Variants in EIF4EBP1 observed in about 807,000 individuals in gnomAD.
EIF4EBP1 encodes the protein eukaryotic translation initiation factor 4E binding protein 1, also known as eukaryotic translation initiation factor 4E-binding protein 1.
Under a neutral mutation model 9.2 loss-of-function variants are expected in EIF4EBP1, and 5 were observed. The ratio of observed to expected loss-of-function variants is 0.54; its 90% CI spans 0.28 to 1.14. The LOEUF is 1.14. Ranked by LOEUF, EIF4EBP1 falls within the 50% of genes most tolerant of loss-of-function variation. EIF4EBP1 has a pLI of 0.09. For synonymous variants in EIF4EBP1, 62 were observed against 67.0 expected (o/e 0.93, Z 0.36); for missense variants, 139 against 169.6 (o/e 0.82, Z 1.00).
At chr8:38,053,831 A>G (rs185883316) in intron 1 of EIF4EBP1, among the ~76,000 whole-genome samples, 1 of 152,198 alleles carries the variant, frequency 6.6e-6, no homozygotes, top group South Asian at 2.1e-4. Flanking sequence ...ATTTCACTAT[A>G]TAAGATACCT....
At position 38,030,621 on chromosome 8, in the gene EIF4EBP1, C is replaced by G. The variant is rs1355381043; in HGVS notation, c.48C>G (p.Pro16=). 2 of 1,514,330 alleles carry G rather than the reference C, an allele frequency of 1.3e-6. No homozygotes were observed. Among genetic ancestry groups the G allele is most frequent in the Middle Eastern group, 2.1e-4 (1 of 4,866 alleles). 93.8% of individuals were successfully genotyped at this position (1,514,330 alleles called of 1,614,324 possible). ...SCSQTPSRAI[P]ATRRVVLGDG... is the part of the protein sequence containing the mutation. Reference sequence around the variant, plus strand: ...GCCAGACCCCAAGCCGGGCCATCCCCGCCACTCGCCGGGTGGTGCTCGGCG... The same window carrying G: ...GCCAGACCCCAAGCCGGGCCATCCCGGCCACTCGCCGGGTGGTGCTCGGCG... The change falls in exon 1 of 3, where the codon CCC becomes CCG. Residue 16 remains proline (P), a synonymous_variant. Coordinates refer to ENST00000338825, the MANE Select transcript of EIF4EBP1 (RefSeq NM_004095.4).
At chr8:38,050,619 T>C (rs187101769) in intron 1 of EIF4EBP1, among the ~76,000 whole-genome samples, 1 of 152,260 alleles carries the variant, frequency 6.6e-6, no homozygotes, top group East Asian at 1.9e-4. Flanking sequence ...TCTTTCTTTC[T>C]TTCTTTTTTG....
In EIF4EBP1 at chr8:38,030,712, C is replaced by G; in HGVS notation, c.139C>G (p.Pro47Ala). The change falls in exon 1 of 3, where the codon CCG (proline) becomes GCG (alanine). Residue 47 changes from proline (P) to alanine (A), a missense_variant. Pro to Ala is a conservative substitution (Grantham distance 27). Transcript: ENST00000338825. ...CGGCGGCACGCTCTTCAGCACCACC[C>G]CGGGAGGTAGGCGCGGGCTTGGCGA... ...TPGGTLFSTT[P>A]GGTRIIYDRK... 7.1e-7 allele frequency: 1 copy of G among 1,402,694 alleles called. No homozygotes were observed. The allele number at this position is 1,402,694 out of a possible 1,614,324, so 86.9% of individuals were successfully genotyped here.
intron 1 of EIF4EBP1, among the ~76,000 whole-genome samples, chr8:38,037,897 T>C (rs114922203): frequency 0.018 from 2,703 of 151,352 alleles, 78 homozygotes; most frequent in African/African-American, 0.062. Context: ...CCTCAGCCTC[T>C]CCAGTAGCTG....
intron 1 of EIF4EBP1, among the ~76,000 whole-genome samples, chr8:38,043,533 G>A (rs1809411602): frequency 2.0e-5 from 3 of 151,814 alleles, no homozygotes; most frequent in African/African-American, 4.8e-5. Flanking sequence ...TTTTAGTAGA[G>A]ACAGAGTTTC....
chr8:38,055,627 A>G (rs1809584368), intron 1 of EIF4EBP1, among the ~76,000 whole-genome samples: 1 of 151,512 alleles, frequency 6.6e-6, no homozygotes, highest in African/African-American at 2.4e-5. Flanking sequence ...ATATTATTGT[A>G]TATTAAAAGG....
chr8:38,035,310 T>G (rs1035937034), intron 1 of EIF4EBP1, among the ~76,000 whole-genome samples: 1 of 151,898 alleles, frequency 6.6e-6, no homozygotes. Flanking sequence ...CTACGCCTCC[T>G]GGGTTCAAGT....
At chr8:38,040,979 T>C (rs1809370577) in intron 1 of EIF4EBP1, among the ~76,000 whole-genome samples, 2 of 152,282 alleles carry the variant, frequency 1.3e-5, no homozygotes, top group Middle Eastern at 6.8e-3. Context: ...TTTGTATTTT[T>C]AGTAGAGACA....
intron 1 of EIF4EBP1, among the ~76,000 whole-genome samples, chr8:38,032,950 C>T (rs1809244359): frequency 6.6e-6 from 1 of 152,064 alleles, no homozygotes; most frequent in Non-Finnish European, 1.5e-5. Context: ...AGAATACTGC[C>T]TCTCAGTCTT....
At chr8:38,057,790 G>A (rs370139496) in intron 2 of EIF4EBP1, among the ~76,000 whole-genome samples, 5 of 152,248 alleles carry the variant, frequency 3.3e-5, no homozygotes, top group South Asian at 2.1e-4. Context: ...TGTCTCTGCC[G>A]ATTTGACATT....
intron 1 of EIF4EBP1, among the ~76,000 whole-genome samples, chr8:38,039,931 T>C (rs1484206324): frequency 2.6e-5 from 4 of 152,172 alleles, no homozygotes; most frequent in Non-Finnish European, 4.4e-5. Flanking sequence ...GGAGTGTCTA[T>C]GGGCTGAAGT....
chr8:38,060,230 C>T lies in EIF4EBP1; in HGVS notation c.*295C>T, dbSNP rs1475089940. The T allele has an allele frequency of 8.2e-6, 4 of 484,912 alleles. No homozygotes were observed. Among genetic ancestry groups the T allele is most frequent in the Non-Finnish European group, 1.5e-5 (4 of 268,690 alleles). 30.0% of individuals were successfully genotyped at this position (484,912 alleles called of 1,614,324 possible). ...GTGGACAAGAACGAACCCTTCCTTCCGAATGATCAGCAGTTCCAGCCCCTC... is the reference window on the plus strand; with the variant it reads ...GTGGACAAGAACGAACCCTTCCTTCTGAATGATCAGCAGTTCCAGCCCCTC... On this transcript the variant is annotated 3_prime_UTR_variant, in exon 3 of 3. Coordinates refer to ENST00000338825, the MANE Select transcript of EIF4EBP1 (RefSeq NM_004095.4).
chr8:38,036,232 G>T (rs1809300589), intron 1 of EIF4EBP1, among the ~76,000 whole-genome samples: 1 of 152,052 alleles, frequency 6.6e-6, no homozygotes, highest in Admixed American at 6.6e-5. Flanking sequence ...TGAAAGGAGA[G>T]GCCAGGTGCG....
chr8:38,036,249 C>T (rs1269035805), intron 1 of EIF4EBP1, among the ~76,000 whole-genome samples: 1 of 152,064 alleles, frequency 6.6e-6, no homozygotes, highest in African/African-American at 2.4e-5. Flanking sequence ...TGCGATGGCT[C>T]ACACCTGTAA....
At chr8:38,042,292 C>T (rs576967188) in intron 1 of EIF4EBP1, among the ~76,000 whole-genome samples, 2 of 152,292 alleles carry the variant, frequency 1.3e-5, no homozygotes, top group African/African-American at 4.8e-5. Context: ...GCAGAGGGTA[C>T]AGTCGGGCTC....
intron 2 of EIF4EBP1, among the ~76,000 whole-genome samples, 164 bp downstream of exon 2, chr8:38,057,424 G>A (rs1363491609): frequency 6.6e-6 from 1 of 152,176 alleles, no homozygotes; most frequent in Non-Finnish European, 1.5e-5. Context: ...GGGGTGGGGA[G>A]GTTGAACTCT....
In EIF4EBP1 at chr8:38,040,866, CTGTTGTTGT is replaced by C. The variant is rs3067026; in HGVS notation, c.145+10171_145+10179del. Among the ~76,000 whole-genome samples the C allele has an allele frequency of 1.9e-3, 287 of 151,570 alleles. 1 individual carries two copies. Among genetic ancestry groups the C allele is most frequent in the Admixed American group, 4.7e-3 (71 of 15,198 alleles). ...ATTCAGGGAGAGGGGAAATACATGC[CTGTTGTTGT>C]TGTTGTTGTTGTTGTTGTTGTTTTG... On this transcript the variant is annotated intron_variant, in intron 1 of 2. Transcript: ENST00000338825.
intron 1 of EIF4EBP1, among the ~76,000 whole-genome samples, chr8:38,052,502 G>C (rs1186110824): frequency 1.3e-5 from 2 of 152,026 alleles, no homozygotes; most frequent in African/African-American, 4.8e-5. Flanking sequence ...GCCGAGGCAG[G>C]CGGATCACCT....
intron 1 of EIF4EBP1, among the ~76,000 whole-genome samples, chr8:38,032,468 C>A (rs977034673): frequency 6.6e-5 from 10 of 152,172 alleles, no homozygotes; most frequent in African/African-American, 1.2e-4. Context: ...CCACTGCACT[C>A]CAGCCTGGGT....
Sources: allele counts gnomAD v4.1 joint callset (sites outside exome capture counted in the v4.1 genomes callset), GRCh38; gene constraint gnomAD v4.1.1; transcripts MANE v1.5; gene names NCBI Gene and HGNC (gene_info 2026-07-23, HGNC 2026-07-21).